Variants in CRACD observed in about 807,000 individuals in gnomAD.
CRACD encodes capping protein inhibiting regulator of actin dynamics.
CRACD carries 56 observed loss-of-function variants against 106.8 expected under a neutral mutation model. The ratio of observed to expected loss-of-function variants is 0.52; its 90% confidence interval spans 0.42 to 0.66. CRACD has a LOEUF of 0.66. CRACD is among the 30% of genes least tolerant of loss of function. CRACD has a pLI of 0.00. For synonymous variants in CRACD, 754 were observed against 670.8 expected (o/e 1.12, Z -1.92); for missense variants, 1,730 against 1,623.2 (o/e 1.07, Z -1.13).
chr4:56,214,635 T>A (rs1173718511), intron 2 of CRACD, among the ~76,000 whole-genome samples: 1 of 138,876 alleles, frequency 7.2e-6, no homozygotes, highest in Non-Finnish European at 1.6e-5. Context: ...CCCTCCAGCC[T>A]GGCGACAGAG....
At chr4:56,075,090 GT>G (rs1732794441) in intron 1 of CRACD, among the ~76,000 whole-genome samples, 1 of 152,176 alleles carries the variant, frequency 6.6e-6, no homozygotes, top group Admixed American at 6.5e-5. Context: ...TGGTTTGCCA[GT>G]TTTTTATTGA....
intron 1 of CRACD, among the ~76,000 whole-genome samples, chr4:56,081,154 G>T (rs1733008370): frequency 6.6e-6 from 1 of 152,108 alleles, no homozygotes; most frequent in Middle Eastern, 3.2e-3. Flanking sequence ...CCCTGATCCT[G>T]GCCCTGTCTT....
intron 1 of CRACD, among the ~76,000 whole-genome samples, chr4:56,057,808 T>TTTTTG (rs1732133168): frequency 1.7e-5 from 1 of 59,588 alleles, no homozygotes; most frequent in Non-Finnish European, 3.1e-5. Context: ...TATTTTTTTT[T>TTTTTG]TTTTTGTTTT....
chr4:56,307,188 T>C (rs1370254086), intron 4 of CRACD, among the ~76,000 whole-genome samples: 1 of 152,230 alleles, frequency 6.6e-6, no homozygotes, highest in Non-Finnish European at 1.5e-5. Flanking sequence ...TAAATGAATT[T>C]ATAGGTTAAT....
intron 3 of CRACD, among the ~76,000 whole-genome samples, chr4:56,286,409 C>CA (rs1176440301): frequency 1.4e-5 from 2 of 141,566 alleles, no homozygotes; most frequent in Admixed American, 7.2e-5. Context: ...AAAAAAAACA[C>CA]AAAAAACTCG....
chr4:56,307,580 G>T lies in CRACD; in HGVS notation c.166G>T (p.Ala56Ser). 1 of 1,614,198 alleles carries T rather than the reference G, an allele frequency of 6.2e-7. No homozygotes were observed. The highest frequency in any genetic ancestry group is 8.5e-7 in the Non-Finnish European group (1 of 1,180,040). ...CAAGTTTGGGCAGCGGTCACCCAAT[G>T]CCATTCCCATGAATAAGGCAAACAG... ...NIKFGQRSPN[A>S]IPMNKANSGE... Residue 56 changes from alanine to serine, a missense_variant, in exon 5 of 11, where the codon GCC becomes TCC. Coordinates refer to ENST00000682029, the MANE Select transcript of CRACD (RefSeq NM_001393381.1).
chr4:56,188,624 T>C (rs974255192), intron 2 of CRACD, among the ~76,000 whole-genome samples: 32 of 135,932 alleles, frequency 2.4e-4, no homozygotes, highest in African/African-American at 8.6e-4. Flanking sequence ...CTGTCTAGCC[T>C]CTCTCTCTCT....
intron 1 of CRACD, among the ~76,000 whole-genome samples, chr4:56,064,206 T>C (rs1460359089): frequency 7.2e-5 from 11 of 152,230 alleles, no homozygotes; most frequent in Admixed American, 5.9e-4. Context: ...TTATTTGTTG[T>C]CGAGTTGTGG....
intron 1 of CRACD, among the ~76,000 whole-genome samples, chr4:56,164,141 T>G (rs898694441): frequency 6.6e-6 from 1 of 151,750 alleles, no homozygotes; most frequent in Non-Finnish European, 1.5e-5. Flanking sequence ...AGATAATTTT[T>G]TTTTTTTTTT....
chr4:56,328,454 C>T lies in CRACD; in HGVS notation c.*650C>T. The T allele has an allele frequency of 1.9e-6, 1 of 513,982 alleles. No individual in the cohort carries two copies. The highest frequency in any genetic ancestry group is 1.4e-5 in the South Asian group (1 of 70,084). 31.8% of individuals were successfully genotyped at this position (513,982 alleles called of 1,614,324 possible). The stretch of plus-strand genomic sequence containing the variant: ...CACTGTGGATTCATAGTGTGGGGCC[C>T]TGTTATTCCAATACCCTCCTTAAGG... On this transcript the variant is annotated 3_prime_UTR_variant, in exon 11 of 11. Transcript: ENST00000682029.
chr4:56,262,334 A>C (rs531572850), intron 2 of CRACD, among the ~76,000 whole-genome samples: 1 of 152,222 alleles, frequency 6.6e-6, no homozygotes, highest in South Asian at 2.1e-4. Flanking sequence ...GGGGTTATGT[A>C]TGTATGTGTT....
intron 1 of CRACD, among the ~76,000 whole-genome samples, chr4:56,149,783 G>T (rs1468737436): frequency 1.3e-5 from 2 of 152,212 alleles, no homozygotes; most frequent in East Asian, 3.9e-4. Flanking sequence ...CAAGCCCATT[G>T]GTCTCCTGGA....
At chr4:56,177,256 G>C (rs2109430939) in intron 1 of CRACD, among the ~76,000 whole-genome samples, 1 of 152,274 alleles carries the variant, frequency 6.6e-6, no homozygotes, top group East Asian at 1.9e-4. Flanking sequence ...CCAGTTTCTT[G>C]AGGATTTTTA....
At chr4:56,069,741 C>A (rs1227735695) in intron 1 of CRACD, among the ~76,000 whole-genome samples, 2 of 152,124 alleles carry the variant, frequency 1.3e-5, no homozygotes, top group Non-Finnish European at 2.9e-5. Context: ...AAGAAGGCTG[C>A]CAGAATAGTC....
chr4:56,278,765 C>A (rs1742822051), intron 3 of CRACD, among the ~76,000 whole-genome samples: 1 of 152,014 alleles, frequency 6.6e-6, no homozygotes, highest in African/African-American at 2.4e-5. Flanking sequence ...AAATAAAAAA[C>A]AAAACTCCCA....
intron 3 of CRACD, among the ~76,000 whole-genome samples, chr4:56,287,978 C>A (rs1202784436): frequency 6.6e-6 from 1 of 152,150 alleles, no homozygotes; most frequent in Non-Finnish European, 1.5e-5. Context: ...CTATTCAAAG[C>A]CTCTAGTCTG....
At chr4:56,119,584 C>A (rs1734413771) in intron 1 of CRACD, among the ~76,000 whole-genome samples, 2 of 152,074 alleles carry the variant, frequency 1.3e-5, no homozygotes, top group African/African-American at 4.8e-5. Flanking sequence ...ATCTGCCTTC[C>A]TTGGCCTCCC....
intron 1 of CRACD, among the ~76,000 whole-genome samples, chr4:56,168,281 T>C (rs529588743): frequency 5.3e-4 from 81 of 151,972 alleles, no homozygotes; most frequent in African/African-American, 1.5e-3. Context: ...AAGGATGTTG[T>C]TTTTTGTTAA....
chr4:56,213,696 G>A (rs146107872), intron 2 of CRACD, among the ~76,000 whole-genome samples: 109 of 152,292 alleles, frequency 7.2e-4, no homozygotes, highest in African/African-American at 2.5e-3. Flanking sequence ...TTCTGGATTG[G>A]TTACAGTTTG....
Sources: gnomAD v4.1 joint callset for allele counts (sites outside exome capture counted in the v4.1 genomes callset) on GRCh38, gnomAD v4.1.1 for gene constraint, MANE v1.5 for transcripts, NCBI Gene and HGNC (gene_info 2026-07-23, HGNC 2026-07-21) for gene names.